The following MAD1L1 variants were observed in gnomAD, a reference collection of about 807,000 sequenced individuals.
MAD1L1 encodes mitotic spindle assembly checkpoint protein MAD1.
In MAD1L1, 95 loss-of-function variants were observed where a neutral mutation model predicts 96.9. The ratio of observed to expected loss-of-function variants is 0.98; its 90% CI spans 0.83 to 1.16. MAD1L1 has a LOEUF of 1.16. Among genes scored for constraint, MAD1L1 ranks in the 50% most tolerant of loss-of-function variants. The pLI, the probability that MAD1L1 is intolerant of heterozygous loss-of-function variation, is 0.00. For synonymous variants in MAD1L1, 473 were observed against 396.6 expected (o/e 1.19, Z -2.29); for missense variants, 1,007 against 954.4 (o/e 1.06, Z -0.73).
intron 18 of MAD1L1, among the ~76,000 whole-genome samples, chr7:1,887,775 G>C (rs1583662379): frequency 1.3e-5 from 2 of 148,704 alleles, no homozygotes; most frequent in African/African-American, 5.0e-5. Context: ...GTGGCTGCCT[G>C]TGTGTGTGCA....
At chr7:2,149,422 C>A (rs563635401) in intron 10 of MAD1L1, among the ~76,000 whole-genome samples, 184 bp from the exon 11 acceptor site, 1 of 152,152 alleles carries the variant, frequency 6.6e-6, no homozygotes, top group South Asian at 2.1e-4. Context: ...CAACCACAGC[C>A]CCCACCCCTA....
At chr7:2,168,933 G>A (rs984393301) in intron 10 of MAD1L1, among the ~76,000 whole-genome samples, 4 of 152,382 alleles carry the variant, frequency 2.6e-5, no homozygotes, top group East Asian at 1.9e-4. Context: ...CGGCTGAAGC[G>A]GGAGGAACAC....
chr7:2,118,667 CT>C (rs1285864454), intron 11 of MAD1L1, among the ~76,000 whole-genome samples: 1 of 152,230 alleles, frequency 6.6e-6, no homozygotes, highest in Non-Finnish European at 1.5e-5. Context: ...CTCCCAGCCC[CT>C]GCCCACATAC....
Position 1,968,446 on chromosome 7 carries a change from G to A in MAD1L1, c.1506-10727C>T, listed in dbSNP as rs1780266870. Among the ~76,000 whole-genome samples, 1 of 150,240 alleles carries A rather than the reference G, an allele frequency of 6.7e-6. No individual in the cohort carries two copies. The highest frequency in any genetic ancestry group is 1.5e-5 in the Non-Finnish European group (1 of 67,670). On this transcript the variant is annotated intron_variant, in intron 15 of 18. Transcript: ENST00000265854. This position sits in a 1 kb window ranked among gnomAD's most constrained non-coding sequence, Gnocchi z 5.6. Reference sequence around the variant, plus strand: ...GCGATCAGGTCCACCGTCAACGCCAGCAGTCATGTCCACCATCAATGCCTC... The same window carrying A: ...GCGATCAGGTCCACCGTCAACGCCAACAGTCATGTCCACCATCAATGCCTC...
intron 11 of MAD1L1, among the ~76,000 whole-genome samples, chr7:2,145,916 G>A (rs1428940257): frequency 2.0e-5 from 3 of 152,226 alleles, no homozygotes; most frequent in Admixed American, 6.5e-5. Flanking sequence ...CTTCACGGAC[G>A]TGGACATGTG....
At chr7:2,120,101 T>C (rs145978279) in intron 11 of MAD1L1, among the ~76,000 whole-genome samples, 111 of 152,318 alleles carry the variant, frequency 7.3e-4, no homozygotes, top group African/African-American at 2.5e-3. Flanking sequence ...TGGAGCCTCC[T>C]GCAGTCCCAC....
intron 12 of MAD1L1, among the ~76,000 whole-genome samples, chr7:2,059,932 G>A (rs1466682850): frequency 6.6e-6 from 1 of 152,180 alleles, no homozygotes; most frequent in Non-Finnish European, 1.5e-5. Flanking sequence ...AAAGTCTAAT[G>A]ACATGTAAGA....
intron 18 of MAD1L1, among the ~76,000 whole-genome samples, chr7:1,873,937 G>T (rs1408152780): frequency 6.7e-6 from 1 of 149,998 alleles, no homozygotes; most frequent in Non-Finnish European, 1.5e-5. Context: ...GAGCACACAG[G>T]CCCAGGCTGA....
At chr7:1,852,809 G>C (rs117314494) in intron 18 of MAD1L1, among the ~76,000 whole-genome samples, 1 of 152,122 alleles carries the variant, frequency 6.6e-6, no homozygotes, top group African/African-American at 2.4e-5. Context: ...TGGGACCCTC[G>C]GGCTGCCCTC....
At position 2,225,542 on chromosome 7, in the gene MAD1L1, T is replaced by C; in HGVS notation, c.159A>G (p.Glu53=). ...MQYQQSMQLE[E]RAEQIRSKSH... is the part of the protein sequence containing the mutation. ...ACTTCGAACGGATCTGCTCTGCTCT[T>C]TCCTCCAGCTGAGCAGGTCGCACCC... The change falls in exon 4 of 19, where the codon GAA becomes GAG. Residue 53 remains glutamate (E), a synonymous_variant. Coordinates refer to ENST00000265854, the MANE Select transcript of MAD1L1 (RefSeq NM_001013836.2). 2.5e-6 allele frequency: 4 copies of C among 1,613,624 alleles called. No individual in the cohort carries two copies. The highest frequency in any genetic ancestry group is 2.5e-6 in the Non-Finnish European group (3 of 1,180,010).
intron 17 of MAD1L1, among the ~76,000 whole-genome samples, chr7:1,907,398 A>G (rs1052395312): frequency 6.6e-6 from 1 of 152,250 alleles, no homozygotes; most frequent in African/African-American, 2.4e-5. Context: ...TTTTCTTTCT[A>G]AACAATGAAT....
chr7:2,055,113 T>C (rs1269242815), intron 12 of MAD1L1, among the ~76,000 whole-genome samples: 1 of 152,138 alleles, frequency 6.6e-6, no homozygotes, highest in East Asian at 1.9e-4. Flanking sequence ...CAAGCCTCCC[T>C]CCAGGCACTA....
intron 18 of MAD1L1, among the ~76,000 whole-genome samples, chr7:1,822,727 AT>A (rs146496198): frequency 0.4 from 53,498 of 134,386 alleles, 10,277 homozygotes; most frequent in Middle Eastern, 0.44. Flanking sequence ...CCCGGCCAGC[AT>A]TTTTTTTTTT....
chr7:2,007,311 G>T (rs989602766), intron 13 of MAD1L1, among the ~76,000 whole-genome samples: 1 of 152,242 alleles, frequency 6.6e-6, no homozygotes, highest in Admixed American at 6.5e-5. Context: ...CTCTGGTGCC[G>T]ACAGCCTGTG....
At chr7:1,976,362 T>C (rs1780638169) in intron 15 of MAD1L1, among the ~76,000 whole-genome samples, 1 of 152,252 alleles carries the variant, frequency 6.6e-6, no homozygotes, top group Admixed American at 6.5e-5. Context: ...GGTGGGTTCG[T>C]GGTCTTGCTG....
chr7:1,884,221 T>G (rs1785870312), intron 18 of MAD1L1, among the ~76,000 whole-genome samples: 1 of 152,234 alleles, frequency 6.6e-6, no homozygotes, highest in Non-Finnish European at 1.5e-5. Context: ...TGCTCGCAGC[T>G]GCCCTGGCTG....
intron 12 of MAD1L1, among the ~76,000 whole-genome samples, chr7:2,060,301 C>T (rs973853576): frequency 6.8e-6 from 1 of 147,082 alleles, no homozygotes. Flanking sequence ...CGAGATACGC[C>T]GATCCCGAGA....
intron 16 of MAD1L1, among the ~76,000 whole-genome samples, chr7:1,947,549 AC>A (rs1480613056): frequency 1.1e-4 from 16 of 152,064 alleles, no homozygotes; most frequent in Admixed American, 1.0e-3. Context: ...ACCAAGAGGC[AC>A]AGGCAGAGGC....
intron 13 of MAD1L1, among the ~76,000 whole-genome samples, chr7:2,009,658 A>T (rs1782201832): frequency 6.6e-6 from 1 of 152,162 alleles, no homozygotes; most frequent in South Asian, 2.1e-4. Flanking sequence ...AGAGCACACA[A>T]CAGGCAGTCA....
Sources: gnomAD v4.1 joint callset for allele counts (sites outside exome capture counted in the v4.1 genomes callset) on GRCh38, gnomAD v4.1.1 for gene constraint, Gnocchi (gnomAD v3.1) non-coding constraint, MANE v1.5 for transcripts, NCBI Gene and HGNC (gene_info 2026-07-23, HGNC 2026-07-21) for gene names.